The following KAZN variants were observed in gnomAD, a reference collection of about 807,000 sequenced individuals.
KAZN encodes kazrin.
Under a neutral mutation model 87.4 loss-of-function variants are expected in KAZN, and 40 were observed. That is an observed-to-expected ratio of 0.46 (90% CI 0.36 to 0.60). The LOEUF (loss-of-function observed/expected upper bound fraction) is 0.60, where lower values mean the gene tolerates loss of function less well. Among genes scored for constraint, KAZN ranks in the 20% least tolerant of loss-of-function variants. The pLI is 0.00. For synonymous variants in KAZN, 466 were observed against 458.3 expected (o/e 1.02, Z -0.22); for missense variants, 898 against 1,073.9 (o/e 0.84, Z 2.29).
chr1:14,175,210 TCTC>T (rs1313653008), intron 1 of KAZN, among the ~76,000 whole-genome samples: 1 of 152,190 alleles, frequency 6.6e-6, no homozygotes, highest in Non-Finnish European at 1.5e-5. Context: ...TTCACCCCAT[TCTC>T]CTGCCTCAGC....
rs1368423633 is a variant in KAZN, at chr1:14,943,020, G to A, written c.227-17664G>A. ...GTGTGTGTGTGTGGTGTGTGTGTGT[G>A]TGTGTGTGTGTGTGTGTGTGTGTGT... On this transcript the variant is annotated intron_variant, in intron 1 of 14. Transcript: ENST00000376030. Among the ~76,000 whole-genome samples, 3 of 113,034 alleles carry A rather than the reference G, an allele frequency of 2.7e-5. 1 individual carries two copies. Among genetic ancestry groups the A allele is most frequent in the African/African-American group, 1.0e-4 (3 of 29,938 alleles). 74.2% of individuals were successfully genotyped at this position (113,034 alleles called of 152,430 possible).
intron 1 of KAZN, among the ~76,000 whole-genome samples, chr1:14,025,182 A>G (rs1411121445): frequency 6.6e-6 from 1 of 152,216 alleles, no homozygotes; most frequent in African/African-American, 2.4e-5. Context: ...GGGGTGGCCA[A>G]GAATATGAAT....
At chr1:14,451,896 G>C (rs186955929) in intron 2 of KAZN, among the ~76,000 whole-genome samples, 1 of 152,118 alleles carries the variant, frequency 6.6e-6, no homozygotes, top group East Asian at 1.9e-4. Flanking sequence ...TCAGGCACTT[G>C]GCAGATTGGA....
intron 2 of KAZN, among the ~76,000 whole-genome samples, chr1:14,993,399 A>C (rs1174407729): frequency 6.6e-6 from 1 of 151,660 alleles, no homozygotes; most frequent in East Asian, 2.0e-4. Flanking sequence ...AACCTGGGAG[A>C]TGGAGGTTGC....
chr1:14,075,789 G>A (rs1276599974), intron 1 of KAZN, among the ~76,000 whole-genome samples: 1 of 152,138 alleles, frequency 6.6e-6, no homozygotes, highest in Non-Finnish European at 1.5e-5. Context: ...ATACACTGTA[G>A]GATGTTTAGC....
At chr1:14,932,164 G>C (rs1158375713) in intron 1 of KAZN, among the ~76,000 whole-genome samples, 1 of 152,188 alleles carries the variant, frequency 6.6e-6, no homozygotes, top group Admixed American at 6.5e-5. Context: ...GGAGACAGAG[G>C]AGACCAAACT....
At chr1:14,160,341 TA>T (rs1645683355) in intron 1 of KAZN, among the ~76,000 whole-genome samples, 1 of 152,156 alleles carries the variant, frequency 6.6e-6, no homozygotes, top group Non-Finnish European at 1.5e-5. Flanking sequence ...TTTTCTGTTA[TA>T]AAAGGGCAGC....
chr1:14,958,795 G>A (rs1663487826), intron 1 of KAZN, among the ~76,000 whole-genome samples: 1 of 152,222 alleles, frequency 6.6e-6, no homozygotes, highest in South Asian at 2.1e-4. Flanking sequence ...CCCCTCCCCT[G>A]GTCCCTCTGT....
At chr1:14,442,730 T>C (rs528922157) in intron 2 of KAZN, among the ~76,000 whole-genome samples, 2 of 152,346 alleles carry the variant, frequency 1.3e-5, no homozygotes, top group South Asian at 4.1e-4. Context: ...TGAAACTTTC[T>C]TGTTAGGACA....
intron 1 of KAZN, among the ~76,000 whole-genome samples, chr1:13,988,054 A>T (rs867174440): frequency 1.3e-5 from 2 of 152,146 alleles, no homozygotes; most frequent in African/African-American, 4.8e-5. Flanking sequence ...GAAGGTGGAA[A>T]CCTCCTGATC....
chr1:14,552,185 G>T (rs1166679603), intron 2 of KAZN, among the ~76,000 whole-genome samples: 1 of 152,166 alleles, frequency 6.6e-6, no homozygotes, highest in Non-Finnish European at 1.5e-5. Context: ...GCAGAGCAGG[G>T]TTTCTGAGAA....
intron 2 of KAZN, among the ~76,000 whole-genome samples, chr1:14,964,955 T>C (rs1664281939): frequency 6.6e-6 from 1 of 152,174 alleles, no homozygotes; most frequent in Non-Finnish European, 1.5e-5. Context: ...GTGGGAATAT[T>C]TGGTTTTGAA....
At chr1:14,217,771 AAAAC>A (rs1348575342) in intron 2 of KAZN, among the ~76,000 whole-genome samples, 10 of 152,210 alleles carry the variant, frequency 6.6e-5, no homozygotes, top group African/African-American at 2.4e-4. Context: ...ACTTTGAAGA[AAAAC>A]AAAAATTTAG....
At chr1:14,679,397 G>A (rs74058784) in intron 1 of KAZN, among the ~76,000 whole-genome samples, 1,785 of 152,032 alleles carry the variant, frequency 0.012, 41 homozygotes, top group African/African-American at 0.038. Context: ...GTCCCTTTTT[G>A]TTGAATGCCT....
intron 2 of KAZN, among the ~76,000 whole-genome samples, chr1:14,371,859 G>A (rs1380149185): frequency 6.6e-6 from 1 of 152,220 alleles, no homozygotes; most frequent in African/African-American, 2.4e-5. Flanking sequence ...CATGAAAGAT[G>A]TAGTTAGTTT....
At chr1:14,317,192 T>A (rs1655708695) in intron 2 of KAZN, among the ~76,000 whole-genome samples, 1 of 151,986 alleles carries the variant, frequency 6.6e-6, no homozygotes, top group South Asian at 2.1e-4. Context: ...ATTTTTTGTT[T>A]CATAAAGATT....
chr1:14,376,652 G>A (rs1193305013), intron 2 of KAZN, among the ~76,000 whole-genome samples: 1 of 152,094 alleles, frequency 6.6e-6, no homozygotes, highest in African/African-American at 2.4e-5. Context: ...AAAATGATGA[G>A]AAATAAATTC....
chr1:14,944,096 A>G (rs972794404), intron 1 of KAZN, among the ~76,000 whole-genome samples: 2 of 152,064 alleles, frequency 1.3e-5, no homozygotes, highest in African/African-American at 4.8e-5. Context: ...AAACAAAAAA[A>G]CACACACTGG....
chr1:15,018,565 A>G (rs1329382179), intron 2 of KAZN, among the ~76,000 whole-genome samples: 1 of 151,248 alleles, frequency 6.6e-6, no homozygotes, highest in Non-Finnish European at 1.5e-5. Flanking sequence ...ATTGAAAATA[A>G]TAATTGTTGC....
Sources: allele counts gnomAD v4.1 joint callset (sites outside exome capture counted in the v4.1 genomes callset), GRCh38; gene constraint gnomAD v4.1.1; transcripts MANE v1.5; gene names NCBI Gene and HGNC (gene_info 2026-07-23, HGNC 2026-07-21).